Variants in KCNQ1OT1 observed in about 807,000 individuals in gnomAD.
KCNQ1OT1 encodes the protein KCNQ1 antisense RNA 2 (non-protein coding).
Position 2,621,069 on chromosome 11 carries a change from C to T in KCNQ1OT1, n.78926G>A, listed in dbSNP as rs11529573. ...CTCGGCTCACTGCAACCTCCACCTCCTGGGTTCAAGCAATTCTCCTGTCTC... is the reference window on the plus strand; with the variant it reads ...CTCGGCTCACTGCAACCTCCACCTCTTGGGTTCAAGCAATTCTCCTGTCTC... On this transcript the variant is annotated non_coding_transcript_exon_variant, in exon 1 of 1. Transcript: ENST00000597346. This position sits in a 1 kb window ranked among gnomAD's most constrained non-coding sequence, Gnocchi z 5.7. The T allele has an allele frequency of 0.56, 220,976 of 396,610 alleles. 63,476 individuals are homozygous for T. Among genetic ancestry groups the T allele is most frequent in the East Asian group, 0.77 (21,472 of 28,012 alleles). 24.6% of individuals were successfully genotyped at this position (396,610 alleles called of 1,614,324 possible).
In KCNQ1OT1 at chr11:2,663,595, C is replaced by T. The variant is rs1272367005; in HGVS notation, n.36400G>A. 5.0e-6 allele frequency: 2 copies of T among 398,570 alleles called. No homozygotes were observed. The highest frequency in any genetic ancestry group is 2.1e-5 in the African/African-American group (1 of 48,642). 24.7% of individuals were successfully genotyped at this position (398,570 alleles called of 1,614,324 possible). On this transcript the variant is annotated non_coding_transcript_exon_variant, in exon 1 of 1. Coordinates refer to ENST00000597346, the Ensembl canonical transcript of KCNQ1OT1. The surrounding 1 kb of genome is among the most constrained non-coding windows in gnomAD (Gnocchi z 5.2). ...TTCTCCTGTTGGAGCTCTCGCTCAC[C>T]TTGGTTCTCTTGGTCACGGACCAGC... is the stretch of plus-strand genomic sequence containing the variant.
exon 1 of KCNQ1OT1, chr11:2,688,254 G>A: frequency 2.5e-6 from 1 of 398,736 alleles, no homozygotes; most frequent in Non-Finnish European, 4.4e-6. Flanking sequence ...TTTGATCTGA[G>A]AGGGAGGCGC....
exon 1 of KCNQ1OT1, chr11:2,696,363 CCCA>C: frequency 2.5e-6 from 1 of 398,596 alleles, no homozygotes; most frequent in Non-Finnish European, 4.4e-6. Flanking sequence ...CTGAACAGTC[CCCA>C]CTGATATGTG....
chr11:2,638,067 T>A (rs1589996863), exon 1 of KCNQ1OT1: 1 of 152,232 alleles, frequency 6.6e-6, no homozygotes, highest in East Asian at 1.9e-4. Flanking sequence ...TGAGCCTATG[T>A]GTGTCTCTGC....
Position 2,653,022 on chromosome 11 carries a change from C to A in KCNQ1OT1, n.46973G>T, listed in dbSNP as rs1029991140. The stretch of plus-strand genomic sequence containing the variant: ...GCTTGAGGCAAATCTATTCTGCACA[C>A]CTTTGATCCAATGTGAGATCCAACA... On this transcript the variant is annotated non_coding_transcript_exon_variant, in exon 1 of 1. Coordinates refer to ENST00000597346, the Ensembl canonical transcript of KCNQ1OT1. This position sits in a 1 kb window ranked among gnomAD's most constrained non-coding sequence, Gnocchi z 5.3. 4 of 398,544 alleles carry A rather than the reference C, an allele frequency of 1.0e-5. No individual in the cohort carries two copies. The highest frequency in any genetic ancestry group is 4.4e-5 in the Admixed American group (1 of 22,720). 24.7% of individuals were successfully genotyped at this position (398,544 alleles called of 1,614,324 possible).
At position 2,671,025 on chromosome 11, in the gene KCNQ1OT1, T is replaced by C. The variant is rs1041962776; in HGVS notation, n.28970A>G. 2.3e-5 allele frequency: 9 copies of C among 398,426 alleles called. No homozygotes were observed. In the Admixed American group the frequency reaches 3.1e-4, roughly 14 times the overall value. The allele number at this position is 398,426 out of a possible 1,614,324, so 24.7% of individuals were successfully genotyped here. ...TGGGCCCTGTTAGGGACAACGTAGG[T>C]GTCCTGGGCAGGGGCTGTATCTGAG... On this transcript the variant is annotated non_coding_transcript_exon_variant, in exon 1 of 1. Coordinates refer to ENST00000597346, the Ensembl canonical transcript of KCNQ1OT1. This position sits in a 1 kb window ranked among gnomAD's most constrained non-coding sequence, Gnocchi z 4.7.
Position 2,682,217 on chromosome 11 carries a change from T to C in KCNQ1OT1, n.17778A>G. On this transcript the variant is annotated non_coding_transcript_exon_variant, in exon 1 of 1. Coordinates refer to ENST00000597346, the Ensembl canonical transcript of KCNQ1OT1. The surrounding 1 kb of genome is among the most constrained non-coding windows in gnomAD (Gnocchi z 5.8). ...TCCCCAGGCCAGGACTGTCTTATCC[T>C]GTGGTTCTTAGCTGAAATGTCCCTT... 2.5e-6 allele frequency: 1 copy of C among 398,554 alleles called. No individual in the cohort carries two copies. The highest frequency in any genetic ancestry group is 4.4e-6 in the Non-Finnish European group (1 of 226,060). The allele number at this position is 398,554 out of a possible 1,614,324, so 24.7% of individuals were successfully genotyped here. A position where few individuals can be genotyped will look rare whatever the true frequency, so the allele number is the denominator to read the frequency against.
At chr11:2,633,606 A>T (rs556277191) in exon 1 of KCNQ1OT1, 57 of 398,500 alleles carry the variant, frequency 1.4e-4, no homozygotes, top group African/African-American at 1.2e-3. Flanking sequence ...TCCCAACATG[A>T]TGTGTTCAAC....
chr11:2,699,666 G>GGAGAACCGCGCCGAAGAACCCCCGGC (rs1850752724), exon 1 of KCNQ1OT1: 1 of 356,594 alleles, frequency 2.8e-6, no homozygotes, highest in East Asian at 4.4e-5. Context: ...GAACCCCCGG[G>GGAGAACCGCGCCGAAGAACCCCCGGC]GAGAACCGCG....
In KCNQ1OT1 at chr11:2,682,822, G is replaced by A; in HGVS notation, n.17173C>T. ...CAGTGACTTGCAGTGATCCTCCTGG[G>A]GCCTTGTATAGAAGAGACCATCTCA... is the stretch of plus-strand genomic sequence containing the variant. On this transcript the variant is annotated non_coding_transcript_exon_variant, in exon 1 of 1. Transcript: ENST00000597346. This position sits in a 1 kb window ranked among gnomAD's most constrained non-coding sequence, Gnocchi z 5.8. The A allele has an allele frequency of 2.5e-6, 1 of 398,596 alleles. No individual in the cohort carries two copies. Among genetic ancestry groups the A allele is most frequent in the East Asian group, 3.6e-5 (1 of 28,078 alleles). 24.7% of individuals were successfully genotyped at this position (398,596 alleles called of 1,614,324 possible).
At chr11:2,634,174 C>CTT (rs201811937) in exon 1 of KCNQ1OT1, 2 of 393,486 alleles carry the variant, frequency 5.1e-6, no homozygotes, top group East Asian at 3.6e-5. Flanking sequence ...CTCTCTCTCC[C>CTT]TTTTTTTTAT....
At position 2,645,261 on chromosome 11, in the gene KCNQ1OT1, G is replaced by C; in HGVS notation, n.54734C>G. On this transcript the variant is annotated non_coding_transcript_exon_variant, in exon 1 of 1. Transcript: ENST00000597346. The surrounding 1 kb of genome is among the most constrained non-coding windows in gnomAD (Gnocchi z 5.8). ...GTGAATGCCAGTTGTGGTGGTAATG[G>C]TCAGTTGGGTAGGGCAGTCCTCAAG... 1 of 398,748 alleles carries C rather than the reference G, an allele frequency of 2.5e-6. No homozygotes were observed. Among genetic ancestry groups the C allele is most frequent in the Non-Finnish European group, 4.4e-6 (1 of 226,214 alleles). 24.7% of individuals were successfully genotyped at this position (398,748 alleles called of 1,614,324 possible). A position where few individuals can be genotyped will look rare whatever the true frequency, so the allele number is the denominator to read the frequency against.
Position 2,676,452 on chromosome 11 carries a change from C to T in KCNQ1OT1, n.23543G>A. 1 of 398,658 alleles carries T rather than the reference C, an allele frequency of 2.5e-6. No individual in the cohort carries two copies. The highest frequency in any genetic ancestry group is 4.4e-6 in the Non-Finnish European group (1 of 226,092). 24.7% of individuals were successfully genotyped at this position (398,658 alleles called of 1,614,324 possible). On this transcript the variant is annotated non_coding_transcript_exon_variant, in exon 1 of 1. Coordinates refer to ENST00000597346, the Ensembl canonical transcript of KCNQ1OT1. The surrounding 1 kb of genome is among the most constrained non-coding windows in gnomAD (Gnocchi z 4.2). ...TCCCAGATAGGACATGCTCACTGTT[C>T]TGCTCAGATTGTTAGCTGTAGTCTT...
chr11:2,681,054 T>C (rs1474819281), exon 1 of KCNQ1OT1: 10 of 398,462 alleles, frequency 2.5e-5, no homozygotes, highest in Non-Finnish European at 4.0e-5. Flanking sequence ...AAATGTGGGC[T>C]CCAAAAAGAG....
chr11:2,619,677 C>T, exon 1 of KCNQ1OT1: 3 of 395,594 alleles, frequency 7.6e-6, no homozygotes, highest in Non-Finnish European at 1.3e-5. Context: ...ATGCTGGCCT[C>T]ATAAAATGTG....
exon 1 of KCNQ1OT1, chr11:2,699,456 G>T: frequency 2.5e-6 from 1 of 397,144 alleles, no homozygotes; most frequent in Non-Finnish European, 4.4e-6. Context: ...CTGAGGAGCC[G>T]CCGGGAGAGT....
chr11:2,632,052 G>A (rs763161637), exon 1 of KCNQ1OT1: 14 of 396,034 alleles, frequency 3.5e-5, no homozygotes, highest in Middle Eastern at 6.2e-4. Flanking sequence ...GCATAGCAGC[G>A]TGTGCCTGTA....
In KCNQ1OT1 at chr11:2,659,718, C is replaced by T. The variant is rs1358856262; in HGVS notation, n.40277G>A. 1 of 398,380 alleles carries T rather than the reference C, an allele frequency of 2.5e-6. No homozygotes were observed. Among genetic ancestry groups the T allele is most frequent in the African/African-American group, 2.1e-5 (1 of 48,610 alleles). 24.7% of individuals were successfully genotyped at this position (398,380 alleles called of 1,614,324 possible). Reference sequence around the variant, plus strand: ...TGCCATTTTGCATTCCCACCAGTAACATATGAGAGTTCTACATGTTCCACA... The same window carrying T: ...TGCCATTTTGCATTCCCACCAGTAATATATGAGAGTTCTACATGTTCCACA... On this transcript the variant is annotated non_coding_transcript_exon_variant, in exon 1 of 1. Coordinates refer to ENST00000597346, the Ensembl canonical transcript of KCNQ1OT1. The surrounding 1 kb of genome is among the most constrained non-coding windows in gnomAD (Gnocchi z 4.3).
Position 2,673,382 on chromosome 11 carries a change from T to C in KCNQ1OT1, n.26613A>G, listed in dbSNP as rs560803659. 128 of 398,680 alleles carry C rather than the reference T, an allele frequency of 3.2e-4. No homozygotes were observed. Among genetic ancestry groups the C allele is most frequent in the Non-Finnish European group, 2.1e-4 (48 of 226,074 alleles). 24.7% of individuals were successfully genotyped at this position (398,680 alleles called of 1,614,324 possible). A position where few individuals can be genotyped will look rare whatever the true frequency, so the allele number is the denominator to read the frequency against. ...GGGAAGTGACAGAGCAGAGCTCCCCTTGGCCTTTGTTTAGCCCACCTTCTG... is the reference window on the plus strand; with the variant it reads ...GGGAAGTGACAGAGCAGAGCTCCCCCTGGCCTTTGTTTAGCCCACCTTCTG... On this transcript the variant is annotated non_coding_transcript_exon_variant, in exon 1 of 1. Transcript: ENST00000597346. The surrounding 1 kb of genome is among the most constrained non-coding windows in gnomAD (Gnocchi z 4.5).
Sources: gnomAD v4.1 joint callset for allele counts on GRCh38, gnomAD v4.1.1 for gene constraint, Gnocchi (gnomAD v3.1) non-coding constraint, MANE v1.5 for transcripts, NCBI Gene and HGNC (gene_info 2026-07-23, HGNC 2026-07-21) for gene names.